CUX1: variants seen among roughly 807,000 people sequenced by gnomAD.
The protein encoded by CUX1 is cut like homeobox 1.
In CUX1, 31 loss-of-function variants were observed where a neutral mutation model predicts 158.8. The observed-to-expected ratio is 0.20, with a 90% CI of 0.15 to 0.26. CUX1 has a LOEUF of 0.26. Among genes scored for constraint, CUX1 ranks in the 10% least tolerant of loss-of-function variants. The pLI is 1.00. For missense variants in CUX1, 1,589 were observed against 2,014.6 expected, an observed-to-expected ratio of 0.79 and a Z score of 4.04; for synonymous variants, 879 against 862.1, an observed-to-expected ratio of 1.02 and a Z score of -0.34.
At chr7:101,888,825 A>G (rs57776345) in intron 1 of CUX1, among the ~76,000 whole-genome samples, 1 of 151,996 alleles carries the variant, frequency 6.6e-6, no homozygotes, top group African/African-American at 2.4e-5. Context: ...CTTGACCTCA[A>G]GTGATCCACC....
At chr7:101,977,638 G>C (rs1007373291) in intron 2 of CUX1, among the ~76,000 whole-genome samples, 1 of 151,978 alleles carries the variant, frequency 6.6e-6, no homozygotes, top group South Asian at 2.1e-4. Flanking sequence ...GTGAAACCGT[G>C]GCTCAAAATA....
At chr7:102,186,597 T>A (rs112007669) in intron 11 of CUX1, among the ~76,000 whole-genome samples, 5,710 of 144,016 alleles carry the variant, frequency 0.04, 131 homozygotes, top group Non-Finnish European at 0.055. Context: ...ATATATATAT[T>A]TTTTTTTATT....
intron 22 of CUX1, among the ~76,000 whole-genome samples, chr7:102,235,464 T>G (rs1799457143): frequency 6.6e-6 from 1 of 151,206 alleles, no homozygotes; most frequent in African/African-American, 2.4e-5. Flanking sequence ...ACTTTGGGAG[T>G]CCGAGGCAGG....
chr7:102,274,519 G>T (rs1791462798), intron 16 of CUX1, among the ~76,000 whole-genome samples: 1 of 152,252 alleles, frequency 6.6e-6, no homozygotes, highest in East Asian at 1.9e-4. Flanking sequence ...TGGAGGCCGA[G>T]GTGGGAGGAT....
chr7:102,205,469 G>T (rs1200559148), intron 20 of CUX1, among the ~76,000 whole-genome samples: 1 of 152,150 alleles, frequency 6.6e-6, no homozygotes, highest in Non-Finnish European at 1.5e-5. Flanking sequence ...CCCACTCAGG[G>T]GGCTTACCGT....
chr7:102,067,893 C>T (rs957878869), intron 3 of CUX1, among the ~76,000 whole-genome samples: 5 of 151,566 alleles, frequency 3.3e-5, no homozygotes, highest in East Asian at 2.0e-4. Flanking sequence ...TGGTAGCACA[C>T]TCCTGTAGTC....
chr7:102,198,758 A>G lies in CUX1; in HGVS notation c.1895-44A>G, dbSNP rs989528373. The G allele has an allele frequency of 2.6e-6, 4 of 1,559,970 alleles. No individual in the cohort carries two copies. In the African/African-American group the frequency reaches 5.4e-5, roughly 21 times the overall value. On this transcript the variant is annotated intron_variant, in intron 15 of 23. Transcript: ENST00000292535. ...CACAGCCCATATCGTCAACACCACC[A>G]TTCCCCTGATTGTTTTGTTCTTACC...
chr7:102,095,405 T>G (rs781965257), intron 4 of CUX1, among the ~76,000 whole-genome samples: 1 of 152,170 alleles, frequency 6.6e-6, no homozygotes, highest in Non-Finnish European at 1.5e-5. Flanking sequence ...GATGCAATTA[T>G]AGGCTGTGTA....
intron 8 of CUX1, among the ~76,000 whole-genome samples, chr7:102,139,244 TAAAAAAAAAAA>T (rs11459794): frequency 2.1e-5 from 2 of 93,150 alleles, no homozygotes; most frequent in South Asian, 3.9e-4. Flanking sequence ...GACTACATCT[TAAAAAAAAAAA>T]AAAAAAAAAA....
rs1033578973 is a variant in CUX1 at position 102,255,024 on chromosome 7, A to G, written c.*5982A>G. On this transcript the variant is annotated 3_prime_UTR_variant, in exon 24 of 24. Transcript: ENST00000292535. Reference sequence around the variant, plus strand: ...CCCTTGGGCTTAATCAGGACGGAAGAGGAGGGGGTGTGGGGGGCAGAGCGT... The same window carrying G: ...CCCTTGGGCTTAATCAGGACGGAAGGGGAGGGGGTGTGGGGGGCAGAGCGT... 2 of 985,342 alleles carry G rather than the reference A, an allele frequency of 2.0e-6. No individual in the cohort carries two copies. Among genetic ancestry groups the G allele is most frequent in the Admixed American group, 6.2e-5 (1 of 16,250 alleles). 61.0% of individuals were successfully genotyped at this position (985,342 alleles called of 1,614,324 possible).
intron 3 of CUX1, among the ~76,000 whole-genome samples, chr7:102,034,980 G>C (rs1821257043): frequency 2.0e-5 from 3 of 150,864 alleles, no homozygotes; most frequent in Admixed American, 2.0e-4. Flanking sequence ...ACTAGGAATA[G>C]AGGGAAACAT....
chr7:102,143,475 G>A (rs782342254), intron 8 of CUX1, among the ~76,000 whole-genome samples: 2 of 152,142 alleles, frequency 1.3e-5, no homozygotes, highest in African/African-American at 2.4e-5. Context: ...GCTTCACCAT[G>A]TTGCCCAGGC....
At chr7:101,943,620 G>A (rs113418113) in intron 2 of CUX1, among the ~76,000 whole-genome samples, 6 of 151,494 alleles carry the variant, frequency 4.0e-5, no homozygotes, top group African/African-American at 1.5e-4. Flanking sequence ...GAGAGTCAGA[G>A]GACTCATGCG....
chr7:101,941,692 T>C (rs1375826016), intron 2 of CUX1, among the ~76,000 whole-genome samples: 1 of 152,200 alleles, frequency 6.6e-6, no homozygotes, highest in Non-Finnish European at 1.5e-5. Flanking sequence ...TCCGTCTGCC[T>C]CGTTTCAGGC....
At chr7:102,000,687 A>G (rs1816586322) in intron 2 of CUX1, among the ~76,000 whole-genome samples, 2 of 152,196 alleles carry the variant, frequency 1.3e-5, no homozygotes, top group Non-Finnish European at 2.9e-5. Context: ...TCCCTTAGCA[A>G]GGGGTTCATT....
chr7:101,877,673 C>T (rs1282227378), intron 1 of CUX1, among the ~76,000 whole-genome samples: 2 of 151,336 alleles, frequency 1.3e-5, no homozygotes, highest in East Asian at 1.9e-4. Flanking sequence ...GGTGACAGAA[C>T]GAGACTCTGT....
Position 101,869,867 on chromosome 7 carries a change from C to T in CUX1, c.31-46248C>T, listed in dbSNP as rs1335699698. 1.3e-5 allele frequency among the ~76,000 whole-genome samples: 2 copies of T among 152,160 alleles called. No individual in the cohort carries two copies. Among genetic ancestry groups the T allele is most frequent in the Non-Finnish European group, 2.9e-5 (2 of 68,024 alleles). ...TTAAATCCTCTTGTTAAGACGCGCT[C>T]CGCCCCTGTGTCCTTATTTCCCACC... On this transcript the variant is annotated intron_variant, in intron 1 of 23. Transcript: ENST00000292535. The surrounding 1 kb of genome is among the most constrained non-coding windows in gnomAD (Gnocchi z 4.5).
At chr7:102,155,864 C>G (rs576439268) in intron 8 of CUX1, among the ~76,000 whole-genome samples, 1 of 152,302 alleles carries the variant, frequency 6.6e-6, no homozygotes, top group Admixed American at 6.5e-5. Context: ...TCCCCACTCC[C>G]TGCACCCAGC....
chr7:102,120,009 C>CT (rs1274775378), intron 8 of CUX1, among the ~76,000 whole-genome samples: 1 of 152,156 alleles, frequency 6.6e-6, no homozygotes, highest in Non-Finnish European at 1.5e-5. Context: ...TAAACAATTC[C>CT]TTGGGATGGA....
Sources: allele counts gnomAD v4.1 joint callset (sites outside exome capture counted in the v4.1 genomes callset), GRCh38; gene constraint gnomAD v4.1.1; non-coding constraint Gnocchi (gnomAD v3.1); transcripts MANE v1.5; gene names NCBI Gene and HGNC (gene_info 2026-07-23, HGNC 2026-07-21).